WIPF1: variants seen among roughly 807,000 people sequenced by gnomAD.
The protein encoded by WIPF1 is WAS/WASL interacting protein family member 1.
In WIPF1, 13 loss-of-function variants were observed where a neutral mutation model predicts 35.4. The ratio of observed to expected loss-of-function variants is 0.37; its 90% confidence interval spans 0.24 to 0.58. WIPF1 has a LOEUF of 0.58. Among genes scored for constraint, WIPF1 ranks in the 20% least tolerant of loss-of-function variants. The pLI is 0.74. For missense variants in WIPF1, 591 were observed against 667.0 expected (o/e 0.89, Z 1.25); for synonymous variants, 267 against 266.3 (o/e 1.00, Z -0.02).
At chr2:174,588,537 A>G (rs1052674411) in intron 1 of WIPF1, among the ~76,000 whole-genome samples, 3 of 152,092 alleles carry the variant, frequency 2.0e-5, no homozygotes, top group Non-Finnish European at 2.9e-5. Flanking sequence ...TTATTTTACA[A>G]TTCTCTGTTG....
Position 174,634,879 on chromosome 2 carries a change from G to A in WIPF1, c.-39+47895C>T, listed in dbSNP as rs1326326270. 2.0e-5 allele frequency among the ~76,000 whole-genome samples: 3 copies of A among 152,200 alleles called. No homozygotes were observed. In the East Asian group the frequency reaches 5.8e-4, roughly 29 times the overall value. On this transcript the variant is annotated intron_variant, in intron 1 of 8. Coordinates refer to the WIPF1 transcript ENST00000272746. ...TGAGCCCCAGGGTCACCTATCTTGA[G>A]ACTGGAGTTCAGCAGCTGAGAAGGG... is the stretch of plus-strand genomic sequence containing the variant.
At chr2:174,573,155 G>A (rs981776095) in intron 4 of WIPF1, among the ~76,000 whole-genome samples, 1 of 151,370 alleles carries the variant, frequency 6.6e-6, no homozygotes, top group Non-Finnish European at 1.5e-5. Flanking sequence ...GTATTGGCAG[G>A]ACAGAATAAT....
intron 1 of WIPF1, among the ~76,000 whole-genome samples, chr2:174,679,548 ACT>A (rs1688209012): frequency 6.6e-6 from 1 of 152,002 alleles, no homozygotes. Flanking sequence ...CCATTAGGAA[ACT>A]CTGCCCTCTG....
intron 1 of WIPF1, among the ~76,000 whole-genome samples, chr2:174,603,743 TA>T (rs1686075740): frequency 6.6e-6 from 1 of 152,168 alleles, no homozygotes; most frequent in South Asian, 2.1e-4. Flanking sequence ...GAGAGTCAAA[TA>T]ATTTGGAGAC....
intron 1 of WIPF1, among the ~76,000 whole-genome samples, chr2:174,632,091 C>T (rs1163704759): frequency 6.6e-6 from 1 of 152,198 alleles, no homozygotes; most frequent in East Asian, 1.9e-4. Flanking sequence ...TCTCTTTCCA[C>T]TTTGACCTTT....
chr2:174,665,661 G>A (rs916128055), intron 1 of WIPF1: 3 of 152,188 alleles, frequency 2.0e-5, no homozygotes, highest in African/African-American at 7.2e-5. Context: ...GAAATGTGTT[G>A]CATTTGGTAA....
At chr2:174,613,290 A>G (rs1294774399) in intron 1 of WIPF1, among the ~76,000 whole-genome samples, 2 of 152,224 alleles carry the variant, frequency 1.3e-5, no homozygotes, top group African/African-American at 4.8e-5. Context: ...TCTCATTTTT[A>G]CCATTTTCAT....
intron 2 of WIPF1, 111 bp downstream of exon 2, chr2:174,585,412 T>C (rs1360014476): frequency 8.8e-7 from 1 of 1,132,242 alleles, no homozygotes; most frequent in African/African-American, 1.5e-5. Context: ...GCCTGTTGTA[T>C]CACATGTGAG....
intron 1 of WIPF1, among the ~76,000 whole-genome samples, chr2:174,603,796 TTAGA>T (rs1475082062): frequency 6.6e-6 from 1 of 152,072 alleles, no homozygotes; most frequent in Non-Finnish European, 1.5e-5. Context: ...CATGCTAACA[TTAGA>T]TAGAGTGGGG....
intron 1 of WIPF1, among the ~76,000 whole-genome samples, chr2:174,638,028 A>C (rs1367274316): frequency 6.6e-6 from 1 of 152,214 alleles, no homozygotes; most frequent in Admixed American, 6.5e-5. Flanking sequence ...TCAGTCAATT[A>C]CTTTTTGTTT....
chr2:174,644,505 G>A (rs540682162), intron 1 of WIPF1, among the ~76,000 whole-genome samples: 23 of 149,820 alleles, frequency 1.5e-4, no homozygotes, highest in Non-Finnish European at 3.1e-4. Flanking sequence ...GGTAGAGGCA[G>A]CAAGGAACCC....
intron 1 of WIPF1, chr2:174,630,733 T>C (rs4146379): frequency 0.41 from 62,175 of 152,008 alleles, 13,076 homozygotes; most frequent in Non-Finnish European, 0.43. Flanking sequence ...GTATTCATGA[T>C]ATTTTAGTTA....
intron 1 of WIPF1, among the ~76,000 whole-genome samples, chr2:174,676,019 T>C (rs2105993482): frequency 6.6e-6 from 1 of 150,486 alleles, no homozygotes; most frequent in East Asian, 2.0e-4. Flanking sequence ...TGATCATGGC[T>C]CACTTGCAGC....
chr2:174,607,153 C>G (rs966471571), intron 1 of WIPF1, among the ~76,000 whole-genome samples: 1 of 152,204 alleles, frequency 6.6e-6, no homozygotes, highest in South Asian at 2.1e-4. Context: ...AAGGTTCCAC[C>G]TCTCCTTTGG....
intron 1 of WIPF1, chr2:174,665,719 A>T (rs1458463798): frequency 6.6e-6 from 1 of 152,104 alleles, no homozygotes; most frequent in Admixed American, 6.5e-5. Flanking sequence ...CTGTTTATCT[A>T]TCCTGTATAC....
At chr2:174,582,318 C>A (rs1337486547) in intron 2 of WIPF1, among the ~76,000 whole-genome samples, 1 of 152,138 alleles carries the variant, frequency 6.6e-6, no homozygotes, top group Non-Finnish European at 1.5e-5. Flanking sequence ...ACTAAGAGAC[C>A]AGCAAATGGA....
intron 1 of WIPF1, among the ~76,000 whole-genome samples, chr2:174,666,368 T>C (rs191487799): frequency 2.0e-5 from 3 of 152,354 alleles, no homozygotes; most frequent in Admixed American, 2.0e-4. Context: ...TCCTTGCCTA[T>C]GGCCTCCAAA....
At position 174,634,924 on chromosome 2, in the gene WIPF1, G is replaced by T. The variant is rs146004109; in HGVS notation, c.-39+47850C>A. Among the ~76,000 whole-genome samples, 29 of 152,304 alleles carry T rather than the reference G, an allele frequency of 1.9e-4. 2 individuals are homozygous for T. In the East Asian group the frequency reaches 5.2e-3, roughly 27 times the overall value. On this transcript the variant is annotated intron_variant, in intron 1 of 8. Coordinates refer to the WIPF1 transcript ENST00000272746. ...GAAGGGGCAGAGCGCTCACAGAGGA[G>T]CCTGGGGCTTGGGTGCTCTGCTGTC... is the stretch of plus-strand genomic sequence containing the variant.
chr2:174,568,955 A>G (rs1332718395), intron 5 of WIPF1: 1 of 152,228 alleles, frequency 6.6e-6, no homozygotes, highest in African/African-American at 2.4e-5. Flanking sequence ...TGATAATACA[A>G]AAGAAAACCA....
Sources: gnomAD v4.1 joint callset for allele counts (sites outside exome capture counted in the v4.1 genomes callset) on GRCh38, gnomAD v4.1.1 for gene constraint, MANE v1.5 for transcripts, NCBI Gene and HGNC (gene_info 2026-07-23, HGNC 2026-07-21) for gene names.